The following KCND3 variants were observed in gnomAD, a reference collection of about 807,000 sequenced individuals.
KCND3 encodes the protein A-type voltage-gated potassium channel KCND3.
A neutral mutation model predicts 51.1 loss-of-function variants in KCND3; 9 were observed. The observed-to-expected ratio is 0.18, with a 90% CI of 0.11 to 0.31. The LOEUF (loss-of-function observed/expected upper bound fraction) is 0.31, where lower values mean the gene tolerates loss of function less well. KCND3 is among the 10% of genes least tolerant of loss of function. KCND3 has a pLI of 1.00. For missense variants in KCND3, 526 were observed against 903.8 expected, an observed-to-expected ratio of 0.58 and a Z score of 5.36; for synonymous variants, 349 against 368.0, an observed-to-expected ratio of 0.95 and a Z score of 0.59.
At chr1:111,955,391 G>A (rs1343588489) in intron 2 of KCND3, among the ~76,000 whole-genome samples, 1 of 152,196 alleles carries the variant, frequency 6.6e-6, no homozygotes, top group Non-Finnish European at 1.5e-5. Context: ...TCCAGCCTGG[G>A]CAACGGAGCA....
chr1:111,902,971 A>C (rs574928229), intron 2 of KCND3, among the ~76,000 whole-genome samples: 2 of 152,364 alleles, frequency 1.3e-5, no homozygotes, highest in South Asian at 2.1e-4. Context: ...AGACATGTGG[A>C]TATACAGTCA....
chr1:111,955,131 C>T (rs1571898921), intron 2 of KCND3, among the ~76,000 whole-genome samples: 1 of 152,222 alleles, frequency 6.6e-6, no homozygotes, highest in South Asian at 2.1e-4. Flanking sequence ...ACCCTATATC[C>T]CTGCCCGGAA....
chr1:111,975,162 A>C (rs1376705101), intron 2 of KCND3, among the ~76,000 whole-genome samples: 2 of 152,144 alleles, frequency 1.3e-5, no homozygotes, highest in Non-Finnish European at 2.9e-5. Flanking sequence ...GGTTGAAAGG[A>C]AAGTTCCACC....
chr1:111,821,792 C>A (rs977394645), intron 2 of KCND3, among the ~76,000 whole-genome samples: 1 of 152,132 alleles, frequency 6.6e-6, no homozygotes, highest in Non-Finnish European at 1.5e-5. Context: ...GGGGGACAGT[C>A]CCTGGGACCC....
At chr1:111,810,182 T>C (rs1339562398) in intron 2 of KCND3, among the ~76,000 whole-genome samples, 2 of 152,080 alleles carry the variant, frequency 1.3e-5, no homozygotes, top group Non-Finnish European at 2.9e-5. Flanking sequence ...TTGAATAAAC[T>C]GGGTGAGCGA....
At chr1:111,880,456 T>G (rs1381451108) in intron 2 of KCND3, among the ~76,000 whole-genome samples, 1 of 152,176 alleles carries the variant, frequency 6.6e-6, no homozygotes, top group Non-Finnish European at 1.5e-5. Context: ...GAGACCCCTG[T>G]GGCCTCAGGC....
chr1:111,958,637 G>C (rs1158256699), intron 2 of KCND3, among the ~76,000 whole-genome samples: 1 of 152,216 alleles, frequency 6.6e-6, no homozygotes, highest in Non-Finnish European at 1.5e-5. Flanking sequence ...GGATTGTGCT[G>C]CTTCGGCCTT....
At chr1:111,864,867 G>A (rs1454073434) in intron 2 of KCND3, among the ~76,000 whole-genome samples, 1 of 152,164 alleles carries the variant, frequency 6.6e-6, no homozygotes, top group African/African-American at 2.4e-5. Flanking sequence ...GTTAGGGTTG[G>A]GGGGAAGGGA....
intron 2 of KCND3, among the ~76,000 whole-genome samples, chr1:111,820,606 G>C (rs1666299057): frequency 6.6e-6 from 1 of 152,078 alleles, no homozygotes; most frequent in Non-Finnish European, 1.5e-5. Context: ...TCCTTCTCCA[G>C]GATTGTTTTC....
At chr1:111,810,878 G>T (rs1665816920) in intron 2 of KCND3, among the ~76,000 whole-genome samples, 1 of 152,140 alleles carries the variant, frequency 6.6e-6, no homozygotes, top group Non-Finnish European at 1.5e-5. Flanking sequence ...AACAAATTGG[G>T]TCTTTGCTGT....
At chr1:111,887,441 G>T (rs940050589) in intron 2 of KCND3, among the ~76,000 whole-genome samples, 2 of 152,146 alleles carry the variant, frequency 1.3e-5, no homozygotes, top group African/African-American at 4.8e-5. Flanking sequence ...GAAGGTGAGA[G>T]AGGAGAGAAA....
chr1:111,799,016 C>T (rs890226163), intron 2 of KCND3, among the ~76,000 whole-genome samples: 2 of 152,066 alleles, frequency 1.3e-5, no homozygotes, highest in Non-Finnish European at 1.5e-5. Flanking sequence ...CCTGATTTGT[C>T]ACTGGGAGAT....
chr1:111,989,316 C>T (rs111333941), intron 1 of KCND3, among the ~76,000 whole-genome samples, 189 bp downstream of exon 1: 15 of 152,090 alleles, frequency 9.9e-5, no homozygotes, highest in Non-Finnish European at 2.1e-4. Context: ...CCGAGGGAAC[C>T]GACGCCCCCG....
intron 2 of KCND3, among the ~76,000 whole-genome samples, chr1:111,895,179 C>T (rs543663677): frequency 2.3e-4 from 28 of 121,176 alleles, no homozygotes; most frequent in Middle Eastern, 5.7e-3. Flanking sequence ...AGGAGGGAGA[C>T]CAAGAGCAAG....
intron 2 of KCND3, among the ~76,000 whole-genome samples, chr1:111,809,097 G>A (rs1162342678): frequency 6.6e-6 from 1 of 152,216 alleles, no homozygotes; most frequent in Non-Finnish European, 1.5e-5. Flanking sequence ...AGAAGCTTTG[G>A]AAGCCTGGCT....
intron 2 of KCND3, among the ~76,000 whole-genome samples, chr1:111,901,540 C>T (rs368389988): frequency 2.6e-5 from 4 of 152,176 alleles, no homozygotes; most frequent in African/African-American, 9.6e-5. Flanking sequence ...ACTGGGGACC[C>T]GGAGATATAT....
At chr1:111,832,916 G>A (rs1400623567) in intron 2 of KCND3, among the ~76,000 whole-genome samples, 1 of 152,158 alleles carries the variant, frequency 6.6e-6, no homozygotes, top group East Asian at 1.9e-4. Context: ...CTCACCACCA[G>A]CAAACAGACA....
At chr1:111,958,638 C>T (rs545034816) in intron 2 of KCND3, among the ~76,000 whole-genome samples, 21 of 152,336 alleles carry the variant, frequency 1.4e-4, no homozygotes, top group African/African-American at 5.0e-4. Flanking sequence ...GATTGTGCTG[C>T]TTCGGCCTTG....
intron 2 of KCND3, among the ~76,000 whole-genome samples, chr1:111,821,067 A>G (rs1015004480): frequency 9.9e-5 from 15 of 152,228 alleles, no homozygotes; most frequent in Middle Eastern, 3.2e-3. Context: ...TTGTTATGGC[A>G]GCCCTAAGAC....
Sources: allele counts gnomAD v4.1 joint callset (sites outside exome capture counted in the v4.1 genomes callset), GRCh38; gene constraint gnomAD v4.1.1; transcripts MANE v1.5; gene names NCBI Gene and HGNC (gene_info 2026-07-23, HGNC 2026-07-21).